Variants in DSCAM observed in about 807,000 individuals in gnomAD.
DSCAM encodes DS cell adhesion molecule.
In DSCAM, 47 loss-of-function variants were observed where a neutral mutation model predicts 217.7. The observed-to-expected ratio is 0.22, with a 90% CI of 0.17 to 0.28. The LOEUF is 0.28. Among genes scored for constraint, DSCAM ranks in the 10% least tolerant of loss-of-function variants. DSCAM has a pLI of 1.00. For synonymous variants in DSCAM, 1,056 were observed against 1,015.3 expected (o/e 1.04, Z -0.76); for missense variants, 2,080 against 2,618.3 (o/e 0.79, Z 4.49).
chr21:40,113,568 C>T (rs916861712), intron 20 of DSCAM, among the ~76,000 whole-genome samples: 2 of 152,098 alleles, frequency 1.3e-5, no homozygotes, highest in East Asian at 1.9e-4. Context: ...CCAGGGCATT[C>T]AGGCAGGAGA....
intron 9 of DSCAM, 121 bp downstream of exon 9, chr21:40,311,960 T>TTTTTTTAAAAA: frequency 3.1e-6 from 1 of 321,030 alleles, no homozygotes; most frequent in Non-Finnish European, 4.8e-6. Context: ...TTTTTTTTTT[T>TTTTTTTAAAAA]AGTGAGATAA....
At chr21:40,536,805 G>C (rs1039007811) in intron 3 of DSCAM, among the ~76,000 whole-genome samples, 1 of 152,160 alleles carries the variant, frequency 6.6e-6, no homozygotes, top group African/African-American at 2.4e-5. Flanking sequence ...TTTGGGATGC[G>C]TAAAGAGGAC....
chr21:40,748,969 T>G (rs2091201058), intron 1 of DSCAM, among the ~76,000 whole-genome samples: 2 of 152,120 alleles, frequency 1.3e-5, no homozygotes, highest in South Asian at 4.1e-4. Flanking sequence ...GCACCAGAAG[T>G]ACTCATTGGG....
chr21:40,363,799 C>T (rs1039907397), intron 4 of DSCAM, among the ~76,000 whole-genome samples: 3 of 152,088 alleles, frequency 2.0e-5, no homozygotes, highest in African/African-American at 7.2e-5. Context: ...GGGCTAATAT[C>T]CAGAATCTAC....
intron 20 of DSCAM, among the ~76,000 whole-genome samples, chr21:40,097,803 T>C (rs2146600929): frequency 6.6e-6 from 1 of 151,390 alleles, no homozygotes; most frequent in South Asian, 2.1e-4. Flanking sequence ...TAGCCGGGCG[T>C]AGTGGTGGGT....
In DSCAM at chr21:40,754,197, T is replaced by C. The variant is rs138988924; in HGVS notation, c.44-45426A>G. The stretch of plus-strand genomic sequence containing the variant: ...AGCTCTGCCACTATTCAAGTTCTCC[T>C]GATTTTATCAGCACCTGCTCTTGTT... On this transcript the variant is annotated intron_variant, in intron 1 of 32. Coordinates refer to ENST00000400454, the MANE Select transcript of DSCAM (RefSeq NM_001389.5). Among the ~76,000 whole-genome samples, 219 of 152,328 alleles carry C rather than the reference T, an allele frequency of 1.4e-3. 3 individuals carry two copies. In the East Asian group the frequency reaches 0.025, roughly 18 times the overall value.
chr21:40,158,125 C>G (rs1437734067), intron 16 of DSCAM, among the ~76,000 whole-genome samples: 2 of 152,164 alleles, frequency 1.3e-5, no homozygotes, highest in African/African-American at 4.8e-5. Context: ...TGGCTCATGC[C>G]TGTAATCACA....
At chr21:40,712,781 T>G (rs905985697) in intron 1 of DSCAM, among the ~76,000 whole-genome samples, 1 of 151,814 alleles carries the variant, frequency 6.6e-6, no homozygotes, top group African/African-American at 2.4e-5. Flanking sequence ...CTCTCACAGT[T>G]TAGGAACTGA....
At chr21:40,137,983 C>G (rs2090233776) in intron 18 of DSCAM, among the ~76,000 whole-genome samples, 1 of 152,096 alleles carries the variant, frequency 6.6e-6, no homozygotes, top group South Asian at 2.1e-4. Flanking sequence ...AAGGATACAA[C>G]TTTCCTAGCA....
intron 3 of DSCAM, among the ~76,000 whole-genome samples, chr21:40,405,911 C>A (rs1440217020): frequency 6.6e-6 from 1 of 152,124 alleles, no homozygotes; most frequent in African/African-American, 2.4e-5. Context: ...GCATGAGAAT[C>A]GCTTGATCCT....
chr21:40,038,830 T>C (rs1287660550), intron 32 of DSCAM, among the ~76,000 whole-genome samples: 1 of 151,444 alleles, frequency 6.6e-6, no homozygotes, highest in Non-Finnish European at 1.5e-5. Flanking sequence ...TGGAACACTA[T>C]GCAGCCATTA....
chr21:40,705,685 C>G (rs1014799088), intron 2 of DSCAM, among the ~76,000 whole-genome samples: 1 of 152,122 alleles, frequency 6.6e-6, no homozygotes, highest in East Asian at 1.9e-4. Flanking sequence ...GAAACTTACC[C>G]CATGATTCAA....
chr21:40,816,597 C>T (rs184622939), intron 1 of DSCAM, among the ~76,000 whole-genome samples: 49 of 152,180 alleles, frequency 3.2e-4, no homozygotes, highest in African/African-American at 1.1e-3. Flanking sequence ...ACAACAAAAA[C>T]CAGGGGTGGT....
At chr21:40,630,767 C>G (rs992170074) in intron 3 of DSCAM, 37 of 152,362 alleles carry the variant, frequency 2.4e-4, no homozygotes, top group African/African-American at 7.0e-4. Flanking sequence ...TTCCTGGAAG[C>G]CTGGACACAA....
At chr21:40,258,711 G>T (rs1164056341) in intron 11 of DSCAM, among the ~76,000 whole-genome samples, 3 of 152,242 alleles carry the variant, frequency 2.0e-5, no homozygotes, top group African/African-American at 7.2e-5. Flanking sequence ...GTCATAGCCT[G>T]TTCCTCTTCC....
chr21:40,213,761 G>A (rs543455338), intron 11 of DSCAM, among the ~76,000 whole-genome samples: 1 of 152,228 alleles, frequency 6.6e-6, no homozygotes, highest in South Asian at 2.1e-4. Flanking sequence ...GAATCCTTGA[G>A]GCAGCCTCTC....
At chr21:40,111,028 A>C (rs2089892556) in intron 20 of DSCAM, among the ~76,000 whole-genome samples, 1 of 152,256 alleles carries the variant, frequency 6.6e-6, no homozygotes, top group Admixed American at 6.5e-5. Flanking sequence ...CAATCTAGCA[A>C]GGCAGGCCAA....
intron 20 of DSCAM, among the ~76,000 whole-genome samples, chr21:40,105,743 A>G (rs1361297044): frequency 1.3e-5 from 2 of 152,218 alleles, no homozygotes; most frequent in African/African-American, 4.8e-5. Context: ...ATAAACTTAT[A>G]AAAAACAACA....
chr21:40,050,801 G>A (rs1007458477), intron 30 of DSCAM, among the ~76,000 whole-genome samples: 3 of 152,078 alleles, frequency 2.0e-5, no homozygotes, highest in African/African-American at 7.2e-5. Context: ...CAAGGCTCTG[G>A]CACACACCCC....
Sources: gnomAD v4.1 joint callset for allele counts (sites outside exome capture counted in the v4.1 genomes callset) on GRCh38, gnomAD v4.1.1 for gene constraint, MANE v1.5 for transcripts, NCBI Gene and HGNC (gene_info 2026-07-23, HGNC 2026-07-21) for gene names.